Variants in ATRNL1 observed in about 807,000 individuals in gnomAD.
The protein encoded by ATRNL1 is attractin-like protein 1.
ATRNL1 carries 95 observed loss-of-function variants against 182.7 expected under a neutral mutation model. The observed-to-expected ratio is 0.52, with a 90% CI of 0.44 to 0.62. ATRNL1 has a LOEUF of 0.62. ATRNL1 is among the 20% of genes least tolerant of loss of function. The pLI is 0.00. For missense variants in ATRNL1, 1,471 were observed against 1,679.5 expected (o/e 0.88, Z 2.17); for synonymous variants, 576 against 568.3 (o/e 1.01, Z -0.19).
At chr10:115,646,413 C>G (rs970295669) in intron 26 of ATRNL1, among the ~76,000 whole-genome samples, 53 of 152,146 alleles carry the variant, frequency 3.5e-4, no homozygotes, top group African/African-American at 1.3e-3. Context: ...GTTAAAGACC[C>G]CTGTTCTTTC....
At chr10:115,678,813 T>C (rs1192181852) in intron 26 of ATRNL1, among the ~76,000 whole-genome samples, 1 of 152,152 alleles carries the variant, frequency 6.6e-6, no homozygotes, top group Non-Finnish European at 1.5e-5. Flanking sequence ...TCACTGCAGC[T>C]GGCTCAAGTT....
At chr10:115,592,671 C>G (rs1555012681) in intron 26 of ATRNL1, among the ~76,000 whole-genome samples, 1 of 152,162 alleles carries the variant, frequency 6.6e-6, no homozygotes, top group African/African-American at 2.4e-5. Context: ...GTAATATTTT[C>G]AACATTCATC....
At chr10:115,536,238 C>T (rs11818531) in intron 25 of ATRNL1, among the ~76,000 whole-genome samples, 3,414 of 152,234 alleles carry the variant, frequency 0.022, 115 homozygotes, top group African/African-American at 0.075. Context: ...GACAGGCAGA[C>T]CTCCTTGAGC....
chr10:115,110,337 A>G (rs1219515867), intron 1 of ATRNL1, among the ~76,000 whole-genome samples: 1 of 152,174 alleles, frequency 6.6e-6, no homozygotes, highest in Non-Finnish European at 1.5e-5. Context: ...CTCAAAGCAT[A>G]AACTGGATTT....
intron 25 of ATRNL1, among the ~76,000 whole-genome samples, chr10:115,535,253 C>G (rs1283730270): frequency 6.6e-5 from 10 of 152,182 alleles, no homozygotes; most frequent in Non-Finnish European, 1.3e-4. Context: ...ACCGATCAGA[C>G]GTAGATGTGG....
rs12221478 is a variant in ATRNL1, at chr10:115,860,699, T to C, written c.4018+12708T>C. 3.8e-4 allele frequency among the ~76,000 whole-genome samples: 58 copies of C among 152,298 alleles called. No homozygotes were observed. The East Asian group carries it at 8.1e-3, about 21-fold the overall frequency. On this transcript the variant is annotated intron_variant, in intron 28 of 28. Coordinates refer to ENST00000355044, the MANE Select transcript of ATRNL1 (RefSeq NM_207303.4). ...CCAGAATCATCTTGGACAGACAGACTGTTTCTAAAGACATTCCCAAAAGTC... is the reference window on the plus strand; with the variant it reads ...CCAGAATCATCTTGGACAGACAGACCGTTTCTAAAGACATTCCCAAAAGTC...
chr10:115,386,659 T>A (rs189527590), intron 19 of ATRNL1, among the ~76,000 whole-genome samples: 2,464 of 152,086 alleles, frequency 0.016, 40 homozygotes, highest in African/African-American at 0.041. Context: ...CTTTTTTTTT[T>A]ATTTTTATTT....
intron 26 of ATRNL1, among the ~76,000 whole-genome samples, chr10:115,695,822 C>T (rs1593080863): frequency 6.6e-6 from 1 of 152,186 alleles, no homozygotes; most frequent in East Asian, 1.9e-4. Context: ...CCTTCAGCTC[C>T]ATCCATGTTC....
At chr10:115,352,036 A>G (rs1047963855) in intron 19 of ATRNL1, among the ~76,000 whole-genome samples, 3 of 151,914 alleles carry the variant, frequency 2.0e-5, no homozygotes, top group East Asian at 3.9e-4. Flanking sequence ...TCATGGTTCA[A>G]TTTTGGTAGT....
intron 26 of ATRNL1, among the ~76,000 whole-genome samples, chr10:115,552,675 G>C (rs1415214924): frequency 6.6e-6 from 1 of 151,190 alleles, no homozygotes; most frequent in Non-Finnish European, 1.5e-5. Flanking sequence ...AGGATAGTTA[G>C]TCATGTTATG....
At chr10:115,731,691 AT>A (rs1387915496) in intron 27 of ATRNL1, among the ~76,000 whole-genome samples, 1 of 150,540 alleles carries the variant, frequency 6.6e-6, no homozygotes, top group African/African-American at 2.4e-5. Flanking sequence ...TAATGCACTG[AT>A]TTTTGGTATA....
rs187785325 is a variant in ATRNL1, at chr10:115,121,784, A to G, written c.463A>G (p.Ile155Val). Residue 155 changes from isoleucine to valine, a missense_variant, in exon 3 of 29, where the codon ATA (isoleucine) becomes GTA (valine). By Grantham distance (29) the Ile-to-Val change is conservative. Around this residue, in one of 3 missense-constraint regions of ATRNL1, gnomAD observed 1,031 missense variants for 1,156.0 expected, o/e 0.89. Coordinates refer to ENST00000355044, the MANE Select transcript of ATRNL1 (RefSeq NM_207303.4). ...TATGTATGTTTATGATGGAGATTCA[A>G]TATATGCACCTTTAATAGCTGTACT... ...DHMYVYDGDS[I>V]YAPLIAVLSG... is the part of the protein sequence containing the mutation. 45 of 1,553,262 alleles carry G rather than the reference A, an allele frequency of 2.9e-5. No homozygotes were observed. In the African/African-American group the frequency reaches 4.0e-4, roughly 14 times the overall value.
At chr10:115,168,138 T>C (rs1405875574) in intron 7 of ATRNL1, among the ~76,000 whole-genome samples, 1 of 152,156 alleles carries the variant, frequency 6.6e-6, no homozygotes, top group Non-Finnish European at 1.5e-5. Context: ...GGTTTATCCA[T>C]GTTTTAGAAT....
chr10:115,261,157 G>T (rs1236669951), intron 10 of ATRNL1, among the ~76,000 whole-genome samples: 2 of 152,044 alleles, frequency 1.3e-5, no homozygotes, highest in African/African-American at 2.4e-5. Context: ...CCTTACAAAA[G>T]CAATACGAGA....
At chr10:115,354,341 CA>C (rs1334841823) in intron 19 of ATRNL1, among the ~76,000 whole-genome samples, 3 of 152,034 alleles carry the variant, frequency 2.0e-5, no homozygotes, top group Non-Finnish European at 4.4e-5. Flanking sequence ...ATCTCTTCAG[CA>C]TTTTTTTTTG....
At chr10:115,539,445 G>A (rs111680090) in intron 25 of ATRNL1, among the ~76,000 whole-genome samples, 527 of 152,326 alleles carry the variant, frequency 3.5e-3, no homozygotes, top group Non-Finnish European at 6.1e-3. Context: ...AGGCAGAGCA[G>A]AGAAGAACAC....
chr10:115,149,138 G>C lies in ATRNL1; in HGVS notation c.830-10902G>C, dbSNP rs184070453. ...TACCATTTGCATAGTGCACTAAGAG[G>C]CTGGCCATCCCACCCTAATCTTTTA... On this transcript the variant is annotated intron_variant, in intron 5 of 28. Transcript: ENST00000355044. 3.3e-5 allele frequency among the ~76,000 whole-genome samples: 5 copies of C among 152,172 alleles called. No homozygotes were observed. In the East Asian group the frequency reaches 9.7e-4, roughly 29 times the overall value.
intron 15 of ATRNL1, among the ~76,000 whole-genome samples, chr10:115,289,595 T>G (rs1329692106): frequency 1.3e-5 from 2 of 152,204 alleles, no homozygotes; most frequent in Non-Finnish European, 2.9e-5. Context: ...TTAATTCTAA[T>G]GCATATAGAG....
intron 26 of ATRNL1, among the ~76,000 whole-genome samples, chr10:115,662,973 G>A (rs1728245819): frequency 6.6e-6 from 1 of 152,068 alleles, no homozygotes; most frequent in South Asian, 2.1e-4. Context: ...AGTAAACAAT[G>A]TTAAACATGG....
Sources: allele counts gnomAD v4.1 joint callset (sites outside exome capture counted in the v4.1 genomes callset), GRCh38; gene constraint gnomAD v4.1.1; regional missense constraint gnomAD v4.1.1; transcripts MANE v1.5; gene names NCBI Gene and HGNC (gene_info 2026-07-23, HGNC 2026-07-21).